GON4L: variants seen among roughly 807,000 people sequenced by gnomAD.
GON4L encodes the protein gon-4 like, also known as GON-4-like protein.
Under a neutral mutation model 211.8 loss-of-function variants are expected in GON4L, and 87 were observed. The observed-to-expected ratio is 0.41, with a 90% CI of 0.35 to 0.49. GON4L has a LOEUF of 0.49. GON4L is among the 20% of genes least tolerant of loss of function. GON4L has a pLI of 0.15. For synonymous variants in GON4L, 875 were observed against 962.6 expected, an observed-to-expected ratio of 0.91 and a Z score of 1.68; for missense variants, 2,155 against 2,659.5, an observed-to-expected ratio of 0.81 and a Z score of 4.17.
Position 155,766,520 on chromosome 1 carries a change from C to A in GON4L, c.2953G>T (p.Ala985Ser). The part of the protein sequence containing the change: ...KGVVLKLKPV[A>S]TRFPRKAWRQ... ...CAAGCCTTCCTGGGGAAACGGGTGG[C>A]AACTGGCTTCAGTTTCAGGACTACA... The change falls in exon 21 of 32, where the codon GCC (alanine) becomes TCC (serine). Residue 985 changes from alanine to serine, a missense_variant. Transcript: ENST00000368331. 6.2e-7 allele frequency: 1 copy of A among 1,614,076 alleles called. No individual in the cohort carries two copies. Among genetic ancestry groups the A allele is most frequent in the Non-Finnish European group, 8.5e-7 (1 of 1,180,008 alleles).
chr1:155,844,191 A>G (rs1208117090), intron 2 of GON4L, among the ~76,000 whole-genome samples: 1 of 152,226 alleles, frequency 6.6e-6, no homozygotes, highest in Non-Finnish European at 1.5e-5. Context: ...CTCAGGCCCT[A>G]GAATCTCTGG....
rs144269722 is a variant in GON4L at position 155,788,277 on chromosome 1, G to A, written c.1748-2903C>T. Among the ~76,000 whole-genome samples the A allele has an allele frequency of 5.9e-3, 897 of 152,240 alleles. 3 individuals are homozygous for A. The highest frequency in any genetic ancestry group is 0.027 in the Middle Eastern group (8 of 294). ...CAAAGTGCTGGGATTACAGGTGTGC[G>A]CCACCATGCCCAGCCAACAAAAAAA... On this transcript the variant is annotated intron_variant, in intron 12 of 31. Transcript: ENST00000368331.
chr1:155,841,108 G>A (rs1670734791), intron 2 of GON4L, among the ~76,000 whole-genome samples: 2 of 152,190 alleles, frequency 1.3e-5, no homozygotes, highest in Admixed American at 1.3e-4. Flanking sequence ...GCCTCTATAT[G>A]AATTAATATA....
At chr1:155,818,303 G>A (rs1668438908) in intron 6 of GON4L, among the ~76,000 whole-genome samples, 1 of 151,952 alleles carries the variant, frequency 6.6e-6, no homozygotes, top group South Asian at 2.1e-4. Context: ...GTAGAGACGG[G>A]GTTTCGCCAT....
chr1:155,813,919 TTTCTC>T, intron 9 of GON4L, 115 bp from the exon 10 acceptor site: 2 of 794,078 alleles, frequency 2.5e-6, no homozygotes, highest in Non-Finnish European at 4.2e-6. Flanking sequence ...ACCATTGTCC[TTTCTC>T]TTCTCTAGTT....
intron 2 of GON4L, chr1:155,845,954 G>T (rs778801284): frequency 2.1e-4 from 45 of 215,120 alleles, no homozygotes; most frequent in Non-Finnish European, 4.0e-4. Flanking sequence ...CCAGGTCCTG[G>T]ATTTGAAGGG....
intron 10 of GON4L, among the ~76,000 whole-genome samples, chr1:155,808,990 T>C (rs1667428554): frequency 6.6e-6 from 1 of 152,108 alleles, no homozygotes; most frequent in African/African-American, 2.4e-5. Context: ...CATGGCTCAC[T>C]GTAGTCTCAA....
rs184780283 is a variant in GON4L at position 155,769,986 on chromosome 1, G to A, written c.2646+1081C>T. On this transcript the variant is annotated intron_variant, in intron 19 of 31. Coordinates refer to ENST00000368331, the MANE Select transcript of GON4L (RefSeq NM_001282860.2). ...GGAGAATGCCTAAGGCCAAAAATTC[G>A]AGACCAGCCTGGGCAATATAGGGAC... 2.4e-3 allele frequency among the ~76,000 whole-genome samples: 271 copies of A among 115,072 alleles called. No homozygotes were observed. The Middle Eastern group carries it at 0.026, about 11-fold the overall frequency. 75.5% of individuals were successfully genotyped at this position (115,072 alleles called of 152,430 possible).
chr1:155,769,716 C>T (rs1571678457), intron 19 of GON4L, among the ~76,000 whole-genome samples: 1 of 152,086 alleles, frequency 6.6e-6, no homozygotes, highest in Admixed American at 6.6e-5. Flanking sequence ...ATCACAATAA[C>T]ATAGCTGTGA....
At chr1:155,843,122 C>T (rs916757571) in intron 2 of GON4L, among the ~76,000 whole-genome samples, 5 of 152,148 alleles carry the variant, frequency 3.3e-5, no homozygotes, top group East Asian at 3.9e-4. Context: ...TCCTGAGAAA[C>T]ACCTTACTTG....
rs1662387352 is a variant in GON4L, at chr1:155,765,722, G to A, written c.3751C>T (p.Pro1251Ser). Residue 1251 changes from proline to serine, a missense_variant, in exon 21 of 32, where the codon CCC (proline) becomes TCC (serine). This residue lies in a region of GON4L where 615 missense variants were observed against 625.7 expected (regional missense o/e 0.98). Transcript: ENST00000368331. ...AFQGLEPKLEPQELSPLSATV... is the reference protein window; with the variant it reads ...AFQGLEPKLESQELSPLSATV... ...GCAGAGAGAGGAGATAGTTCCTGGG[G>A]CTCTAATTTGGGTTCTAGGCCCTGA... 1.9e-6 allele frequency: 3 copies of A among 1,614,180 alleles called. No individual in the cohort carries two copies. The highest frequency in any genetic ancestry group is 2.5e-6 in the Non-Finnish European group (3 of 1,180,042).
intron 13 of GON4L, 63 bp downstream of exon 13, chr1:155,785,271 T>A (rs767576092): frequency 1.6e-5 from 17 of 1,040,460 alleles, no homozygotes; most frequent in Admixed American, 5.1e-5. Context: ...AGAGACCAAA[T>A]GACACATCTT....
upstream of GON4L, chr1:155,859,349 C>G (rs1625821): frequency 0.97 from 174,939 of 180,874 alleles, 84,891 homozygotes; most frequent in East Asian, 1. Flanking sequence ...TCAGTGGGCG[C>G]GGCCTCATTC....
At chr1:155,790,683 C>A (rs1039709739) in intron 12 of GON4L, among the ~76,000 whole-genome samples, 1 of 152,046 alleles carries the variant, frequency 6.6e-6, no homozygotes, top group Non-Finnish European at 1.5e-5. Flanking sequence ...CAGTGGCTCA[C>A]GCCTGTAATC....
intron 31 of GON4L, 38 bp from the exon 32 acceptor site, chr1:155,750,771 T>G (rs1460957042): frequency 6.5e-7 from 1 of 1,549,436 alleles, no homozygotes; most frequent in African/African-American, 1.4e-5. Flanking sequence ...TGGTCTTTTT[T>G]TTTTGTTTTT....
chr1:155,772,592 A>G (rs929898197), intron 18 of GON4L, among the ~76,000 whole-genome samples: 3 of 138,430 alleles, frequency 2.2e-5, no homozygotes, highest in Non-Finnish European at 4.7e-5. Flanking sequence ...CATCTCTACA[A>G]AAAAAAAAAA....
chr1:155,790,245 G>A lies in GON4L; in HGVS notation c.1747+4805C>T, dbSNP rs534998360. 6.6e-5 allele frequency among the ~76,000 whole-genome samples: 10 copies of A among 152,120 alleles called. No homozygotes were observed. In the East Asian group the frequency reaches 7.7e-4, roughly 12 times the overall value. On this transcript the variant is annotated intron_variant, in intron 12 of 31. Transcript: ENST00000368331. ...CTCCTTAGTAGCTGGGACTACAGGC[G>A]TGAGCCACCACACCCGGCTAATTTT...
At chr1:155,847,899 T>TATAC (rs552554181) in intron 2 of GON4L, among the ~76,000 whole-genome samples, 3 of 150,940 alleles carry the variant, frequency 2.0e-5, no homozygotes, top group African/African-American at 4.9e-5. Flanking sequence ...TAAATAAATA[T>TATAC]ATACATACAT....
intron 2 of GON4L, among the ~76,000 whole-genome samples, chr1:155,835,198 T>C (rs950950682): frequency 2.6e-5 from 4 of 152,166 alleles, no homozygotes; most frequent in Non-Finnish European, 4.4e-5. Context: ...AAACATGTGC[T>C]GTGTCCACTC....
Sources: gnomAD v4.1 joint callset for allele counts (sites outside exome capture counted in the v4.1 genomes callset) on GRCh38, gnomAD v4.1.1 for gene constraint, gnomAD v4.1.1 regional missense constraint, MANE v1.5 for transcripts, NCBI Gene and HGNC (gene_info 2026-07-23, HGNC 2026-07-21) for gene names.